Variants in PRDM9 observed in about 807,000 individuals in gnomAD.
The protein encoded by PRDM9 is PR/SET domain 9.
In PRDM9, 47 loss-of-function variants were observed where a neutral mutation model predicts 55.6. The observed-to-expected ratio is 0.85, with a 90% confidence interval of 0.67 to 1.08. The LOEUF is 1.08. Ranked by LOEUF, PRDM9 falls within the 50% of genes least tolerant of loss-of-function variation. PRDM9 has a pLI of 0.00. For synonymous variants in PRDM9, 312 were observed against 375.7 expected, an observed-to-expected ratio of 0.83 and a Z score of 1.96; for missense variants, 867 against 1,040.3, an observed-to-expected ratio of 0.83 and a Z score of 2.29.
intron 9 of PRDM9, among the ~76,000 whole-genome samples, chr5:23,523,924 C>T (rs1239856532): frequency 1.3e-5 from 2 of 152,112 alleles, no homozygotes; most frequent in Non-Finnish European, 2.9e-5. Flanking sequence ...GAAAGATGGA[C>T]TTGGGCTGAG....
chr5:23,512,215 G>A (rs959827028), intron 4 of PRDM9, among the ~76,000 whole-genome samples: 1 of 152,094 alleles, frequency 6.6e-6, no homozygotes, highest in African/African-American at 2.4e-5. Flanking sequence ...CGATTCTGGA[G>A]CGGGTTTGAG....
At chr5:23,519,841 C>T (rs373907180) in intron 5 of PRDM9, among the ~76,000 whole-genome samples, 9 of 151,602 alleles carry the variant, frequency 5.9e-5, no homozygotes, top group South Asian at 2.1e-4. Flanking sequence ...GTCAGGAGTT[C>T]GAGACCAGCC....
At chr5:23,507,849 T>C (rs924832379) in intron 1 of PRDM9, 137 bp downstream of exon 1, 1 of 152,090 alleles carries the variant, frequency 6.6e-6, no homozygotes, top group Non-Finnish European at 1.5e-5. Context: ...CCCCTCAGCA[T>C]GAAACCCCCA....
intron 10 of PRDM9, among the ~76,000 whole-genome samples, chr5:23,525,541 C>T (rs1016030636): frequency 1.3e-5 from 2 of 152,166 alleles, no homozygotes; most frequent in African/African-American, 4.8e-5. Flanking sequence ...GTTGGGGTAG[C>T]AGGACCCAGA....
chr5:23,520,731 T>C (rs1579593274), intron 5 of PRDM9, among the ~76,000 whole-genome samples: 1 of 152,172 alleles, frequency 6.6e-6, no homozygotes, highest in East Asian at 1.9e-4. Flanking sequence ...TACCCCCTTC[T>C]TTCACAGATC....
Position 23,526,848 on chromosome 5 carries a change from G to T in PRDM9, c.1760G>T (p.Arg587Leu), listed in dbSNP as rs1739455874. 1.9e-6 allele frequency: 3 copies of T among 1,603,986 alleles called. No homozygotes were observed. The highest frequency in any genetic ancestry group is 2.5e-6 in the Non-Finnish European group (3 of 1,176,898). Residue 587 changes from arginine to leucine, a missense_variant, in exon 11 of 11, where the codon CGG becomes CTG. Around this residue, in one of 5 missense-constraint regions of PRDM9, gnomAD observed 662 missense variants for 711.9 expected, o/e 0.93. Transcript: ENST00000296682. ...CCCTATGTCTGCAGGGAGTGTGGGC[G>T]GGGCTTTAGCTGGCAGTCAGTCCTC... is the stretch of plus-strand genomic sequence containing the variant. ...EKPYVCRECGRGFSWQSVLLT... is the reference protein window; with the variant it reads ...EKPYVCRECGLGFSWQSVLLT...
In PRDM9 at chr5:23,527,811, A is replaced by G. The variant is rs745320926; in HGVS notation, c.*38A>G. ...AAAACCTCATCTCAATAGCCACAAA[A>G]AGACAAATGTGGTCACCACACACTT... On this transcript the variant is annotated 3_prime_UTR_variant, in exon 11 of 11. Transcript: ENST00000296682. 1.2e-6 allele frequency: 2 copies of G among 1,612,504 alleles called. No individual in the cohort carries two copies. The highest frequency in any genetic ancestry group is 4.5e-5 in the East Asian group (2 of 44,816).
At chr5:23,515,090 A>G (rs2126415340) in intron 4 of PRDM9, among the ~76,000 whole-genome samples, 1 of 151,692 alleles carries the variant, frequency 6.6e-6, no homozygotes, top group East Asian at 2.0e-4. Flanking sequence ...CAGCCTCCCG[A>G]GTAGCTGGGA....
At position 23,527,490 on chromosome 5, in the gene PRDM9, A is replaced by G. The variant is rs1164194441; in HGVS notation, c.2402A>G (p.Glu801Gly). 2 of 1,582,232 alleles carry G rather than the reference A, an allele frequency of 1.3e-6. No individual in the cohort carries two copies. Among genetic ancestry groups the G allele is most frequent in the East Asian group, 2.3e-5 (1 of 42,874 alleles). The change falls in exon 11 of 11, where the codon GAG becomes GGG. Residue 801 changes from glutamate to glycine, a missense_variant. Physicochemically the swap from Glu to Gly is moderately conservative, Grantham distance 98 (BLOSUM62 -2). Coordinates refer to ENST00000296682, the MANE Select transcript of PRDM9 (RefSeq NM_020227.4). Reference sequence around the variant, plus strand: ...AGTCACCAGAGGACACACACAGGGGAGAAGCCCTATGTCTGCAGGGAGTGT... The same window carrying G: ...AGTCACCAGAGGACACACACAGGGGGGAAGCCCTATGTCTGCAGGGAGTGT... ...LLSHQRTHTGEKPYVCRECGR... is the reference protein window; with the variant it reads ...LLSHQRTHTGGKPYVCRECGR...
At chr5:23,525,632 C>G (rs1448788418) in intron 10 of PRDM9, among the ~76,000 whole-genome samples, 1 of 152,174 alleles carries the variant, frequency 6.6e-6, no homozygotes, top group African/African-American at 2.4e-5. Context: ...AGGCACATAA[C>G]AGTCCTCAAT....
chr5:23,517,855 A>T (rs1364899094), intron 4 of PRDM9, 26 bp from the exon 5 acceptor site: 1 of 1,557,402 alleles, frequency 6.4e-7, no homozygotes, highest in Admixed American at 1.7e-5. Flanking sequence ...TACCAACCAA[A>T]CCACTGATTT....
chr5:23,522,508 G>C, intron 7 of PRDM9, 103 bp downstream of exon 7: 1 of 1,587,838 alleles, frequency 6.3e-7, no homozygotes, highest in Middle Eastern at 1.7e-4. Context: ...ATGAATTAGA[G>C]TACAGGATTA....
chr5:23,521,114 C>G lies in PRDM9; in HGVS notation c.443C>G (p.Ala148Gly). Reference protein sequence around the residue: ...NLLNASGSEQAQKPVSPSGEA... With the variant: ...NLLNASGSEQGQKPVSPSGEA... Reference sequence around the variant, plus strand: ...CTGAATGCAAGTGGCTCAGAGCAGGCTCAGAAACCAGTGTCCCCTTCTGGA... The same window carrying G: ...CTGAATGCAAGTGGCTCAGAGCAGGGTCAGAAACCAGTGTCCCCTTCTGGA... Residue 148 changes from alanine (A) to glycine (G), a missense_variant, in exon 6 of 11, where the codon GCT becomes GGT. Ala to Gly is a moderately conservative substitution (Grantham distance 60, BLOSUM62 0). Around this residue, in one of 5 missense-constraint regions of PRDM9, gnomAD observed 662 missense variants for 711.9 expected, o/e 0.93. Transcript: ENST00000296682. 1 of 1,614,136 alleles carries G rather than the reference C, an allele frequency of 6.2e-7. No individual in the cohort carries two copies. The highest frequency in any genetic ancestry group is 8.5e-7 in the Non-Finnish European group (1 of 1,180,044).
At position 23,527,471 on chromosome 5, in the gene PRDM9, C is replaced by T. The variant is rs371340046; in HGVS notation, c.2383C>T (p.Gln795Ter). 6 of 1,586,736 alleles carry T rather than the reference C, an allele frequency of 3.8e-6. No individual in the cohort carries two copies. The highest frequency in any genetic ancestry group is 5.1e-6 in the Non-Finnish European group (6 of 1,171,894). Residue 795 changes from glutamine to a stop codon, truncating the protein, a stop_gained, in exon 11 of 11, where the codon CAG becomes TAG. Coordinates refer to ENST00000296682, the MANE Select transcript of PRDM9 (RefSeq NM_020227.4). LOFTEE classifies it low-confidence loss of function (END_TRUNC). Reference protein sequence around the residue: ...FRDKSNLLSHQRTHTGEKPYV... With the variant: ...FRDKSNLLSH ...AGATAAGTCAAACCTCCTCAGTCAC[C>T]AGAGGACACACACAGGGGAGAAGCC...
At position 23,521,073 on chromosome 5, in the gene PRDM9, A is replaced by G. The variant is rs372354514; in HGVS notation, c.402A>G (p.Ser134=). 14 of 1,614,086 alleles carry G rather than the reference A, an allele frequency of 8.7e-6. No individual in the cohort carries two copies. The highest frequency in any genetic ancestry group is 1.2e-5 in the Non-Finnish European group (14 of 1,180,040). The change falls in exon 6 of 11, where the codon TCA becomes TCG. Residue 134 remains serine (S), a synonymous_variant. Transcript: ENST00000296682. The part of the protein sequence containing the change: ...FSNESSLKEL[S]RTANLLNASG... ...ATGAATCTAGTTTGAAAGAATTGTC[A>G]AGAACAGCAAATTTACTGAATGCAA...
chr5:23,522,247 A>G, intron 6 of PRDM9, 57 bp from the exon 7 acceptor site: 1 of 1,406,684 alleles, frequency 7.1e-7, no homozygotes, highest in Non-Finnish European at 1.0e-6. Flanking sequence ...TTTCTTATGA[A>G]ACAAGGACAA....
chr5:23,526,235 C>T lies in PRDM9; in HGVS notation c.1147C>T (p.Pro383Ser), dbSNP rs1323515454. 6.2e-7 allele frequency: 1 copy of T among 1,614,048 alleles called. No homozygotes were observed. Among genetic ancestry groups the T allele is most frequent in the Non-Finnish European group, 8.5e-7 (1 of 1,180,018 alleles). The change falls in exon 11 of 11, where the codon CCA becomes TCA. Residue 383 changes from proline (P) to serine (S), a missense_variant and splice_region_variant. Transcript: ENST00000296682. ...WKKELMAGRE[P>S]KPEIHPCPSC... ...TGACCAAAAACTTCCTCTTTCAGAA[C>T]CAAAGCCAGAGATCCATCCATGTCC...
At position 23,522,664 on chromosome 5, in the gene PRDM9, C is replaced by T. The variant is rs201023018; in HGVS notation, c.661C>T (p.Pro221Ser). The change falls in exon 8 of 11, where the codon CCC becomes TCC. Residue 221 changes from proline (P) to serine (S), a missense_variant. Around this residue, in one of 5 missense-constraint regions of PRDM9, gnomAD observed 662 missense variants for 711.9 expected, o/e 0.93. Transcript: ENST00000296682. ...FFIDSCAAHG[P>S]PTFVKDSAVD... ...CATTGACAGCTGTGCTGCCCATGGGCCCCCTACATTTGTAAAGGACAGTGC... is the reference window on the plus strand; with the variant it reads ...CATTGACAGCTGTGCTGCCCATGGGTCCCCTACATTTGTAAAGGACAGTGC... 2.0e-5 allele frequency: 32 copies of T among 1,614,070 alleles called. No homozygotes were observed. The highest frequency in any genetic ancestry group is 2.6e-5 in the Non-Finnish European group (31 of 1,180,034).
intron 1 of PRDM9, among the ~76,000 whole-genome samples, chr5:23,508,268 C>A (rs2126403672): frequency 6.6e-6 from 1 of 152,150 alleles, no homozygotes; most frequent in African/African-American, 2.4e-5. Flanking sequence ...CACTCCAAAT[C>A]TCTTCAGCTT....
Sources: gnomAD v4.1 joint callset for allele counts (sites outside exome capture counted in the v4.1 genomes callset) on GRCh38, gnomAD v4.1.1 for gene constraint, gnomAD v4.1.1 regional missense constraint, MANE v1.5 for transcripts, NCBI Gene and HGNC (gene_info 2026-07-23, HGNC 2026-07-21) for gene names.